SMIM8: variants seen among roughly 807,000 people sequenced by gnomAD.
The protein encoded by SMIM8 is small integral membrane protein 8, also known as UPF0708 protein C6orf162.
In SMIM8, 8 loss-of-function variants were observed where a neutral mutation model predicts 8.1. The ratio of observed to expected loss-of-function variants is 0.99; its 90% CI spans 0.58 to 1.78. The LOEUF (loss-of-function observed/expected upper bound fraction) is 1.78. Among genes scored for constraint, SMIM8 ranks in the 40% most tolerant of loss-of-function variants. The probability of loss-of-function intolerance (pLI) is 0.00; values close to 1 mark genes in which losing one functional copy is unlikely to be tolerated. For synonymous variants in SMIM8, 45 were observed against 39.7 expected (o/e 1.13, Z -0.50); for missense variants, 126 against 119.8 (o/e 1.05, Z -0.24).
chr6:87,323,743 T>A (rs1469131430), intron 1 of SMIM8, among the ~76,000 whole-genome samples: 1 of 152,108 alleles, frequency 6.6e-6, no homozygotes, highest in Non-Finnish European at 1.5e-5. Context: ...ATACGTGTGC[T>A]TGTGTCTTTA....
chr6:87,336,964 A>C (rs768901627), intron 2 of SMIM8, 45 bp from the exon 3 acceptor site: 159 of 1,440,830 alleles, frequency 1.1e-4, no homozygotes, highest in Non-Finnish European at 1.3e-4. Context: ...AATTTATCAG[A>C]GAAGCACAAT....
At chr6:87,325,520 TA>T (rs1776796645) in intron 1 of SMIM8, among the ~76,000 whole-genome samples, 1 of 149,448 alleles carries the variant, frequency 6.7e-6, no homozygotes, top group South Asian at 2.1e-4. Flanking sequence ...TCTATTGAGA[TA>T]ATCATGTGGT....
intron 1 of SMIM8, among the ~76,000 whole-genome samples, chr6:87,323,796 G>T (rs2127914123): frequency 6.6e-6 from 1 of 152,008 alleles, no homozygotes; most frequent in South Asian, 2.1e-4. Context: ...ACCCAGTAAT[G>T]GGATGGCTGG....
chr6:87,325,703 T>C (rs530541483), intron 1 of SMIM8, among the ~76,000 whole-genome samples: 3 of 152,156 alleles, frequency 2.0e-5, no homozygotes, highest in Non-Finnish European at 4.4e-5. Context: ...TCAATGTTCA[T>C]CAAGGATATT....
intron 1 of SMIM8, among the ~76,000 whole-genome samples, chr6:87,328,978 GA>G (rs1313718096): frequency 6.6e-6 from 1 of 152,236 alleles, no homozygotes; most frequent in African/African-American, 2.4e-5. Flanking sequence ...AAGCCCGTCG[GA>G]AAAGCGCAGG....
At chr6:87,334,328 G>A (rs564583770) in intron 2 of SMIM8, among the ~76,000 whole-genome samples, 23 of 152,354 alleles carry the variant, frequency 1.5e-4, no homozygotes, top group Non-Finnish European at 2.1e-4. Flanking sequence ...TGTTTCACAA[G>A]TTGCCTGTAG....
At chr6:87,339,410 C>A (rs1777174518) in intron 3 of SMIM8, among the ~76,000 whole-genome samples, 1 of 129,052 alleles carries the variant, frequency 7.7e-6, no homozygotes, top group African/African-American at 3.1e-5. Flanking sequence ...CAACAAAACA[C>A]AGCGTGTGTG....
At position 87,341,418 on chromosome 6, in the gene SMIM8, C is replaced by T. The variant is rs1173201463; in HGVS notation, c.*1144C>T. On this transcript the variant is annotated 3_prime_UTR_variant, in exon 4 of 4. Transcript: ENST00000392863. ...CTAGGACAGAGGTCAAGGCTAGGCC[C>T]CTGTGTCTGGCCAGATTCTGCCTTA... 2.5e-6 allele frequency: 1 copy of T among 396,684 alleles called. No homozygotes were observed. The highest frequency in any genetic ancestry group is 2.1e-5 in the African/African-American group (1 of 48,566). 24.6% of individuals were successfully genotyped at this position (396,684 alleles called of 1,614,324 possible). A position where few individuals can be genotyped will look rare whatever the true frequency, so the allele number is the denominator to read the frequency against.
intron 1 of SMIM8, 79 bp from the exon 2 acceptor site, chr6:87,330,613 A>T (rs1776971159): frequency 6.6e-6 from 1 of 152,148 alleles, no homozygotes; most frequent in Non-Finnish European, 1.5e-5. Flanking sequence ...TGAGATGTAA[A>T]TGACTCTCAT....
intron 1 of SMIM8, among the ~76,000 whole-genome samples, chr6:87,324,620 T>C (rs1053864226): frequency 6.8e-6 from 1 of 147,630 alleles, no homozygotes; most frequent in Non-Finnish European, 1.5e-5. Context: ...TTCTATTCCA[T>C]TGATCTATAT....
At chr6:87,329,215 G>C (rs1776930734) in intron 1 of SMIM8, 1 of 154,576 alleles carries the variant, frequency 6.5e-6, no homozygotes, top group African/African-American at 2.4e-5. Context: ...CCCATCTTCT[G>C]CGTTGCTCAC....
rs943520036 is a variant in SMIM8 at position 87,341,224 on chromosome 6, A to G, written c.*950A>G. 7.5e-6 allele frequency: 3 copies of G among 397,818 alleles called. No homozygotes were observed. Among genetic ancestry groups the G allele is most frequent in the Admixed American group, 4.4e-5 (1 of 22,660 alleles). The allele number at this position is 397,818 out of a possible 1,614,324, so 24.6% of individuals were successfully genotyped here. A position where few individuals can be genotyped will look rare whatever the true frequency, so the allele number is the denominator to read the frequency against. Reference sequence around the variant, plus strand: ...AGGCCTTTTTGTTTTTTTCCTTTTCAGAATGTTTCTTATTCTCTGAAGCAT... The same window carrying G: ...AGGCCTTTTTGTTTTTTTCCTTTTCGGAATGTTTCTTATTCTCTGAAGCAT... On this transcript the variant is annotated 3_prime_UTR_variant, in exon 4 of 4. Transcript: ENST00000392863.
Position 87,340,132 on chromosome 6 carries a change from C to A in SMIM8, c.152C>A (p.Ala51Asp). The A allele has an allele frequency of 6.3e-7, 1 of 1,581,186 alleles. No homozygotes were observed. The highest frequency in any genetic ancestry group is 8.6e-7 in the Non-Finnish European group (1 of 1,167,924). ...CTTTGACAGAACAAACCTGTAATGGCTTTCGGATTGGTAACTCTTTCACTT... is the reference window on the plus strand; with the variant it reads ...CTTTGACAGAACAAACCTGTAATGGATTTCGGATTGGTAACTCTTTCACTT... ...LFIKPNKPVM[A>D]FGLVTLSLCV... The change falls in exon 4 of 4, where the codon GCT (alanine) becomes GAT (aspartate). Residue 51 changes from alanine (A) to aspartate (D), a missense_variant. Transcript: ENST00000392863.
intron 1 of SMIM8, among the ~76,000 whole-genome samples, chr6:87,324,860 C>A (rs1293779363): frequency 6.6e-6 from 1 of 152,178 alleles, no homozygotes; most frequent in Non-Finnish European, 1.5e-5. Context: ...TTACCTTGGG[C>A]AGTATGGCCA....
At chr6:87,330,780 G>A (rs996122442) in intron 2 of SMIM8, 68 bp downstream of exon 2, 8 of 151,750 alleles carry the variant, frequency 5.3e-5, no homozygotes, top group African/African-American at 1.9e-4. Flanking sequence ...TTTTTTACAG[G>A]CACCTGTGAA....
rs1777193263 is a variant in SMIM8, at chr6:87,340,183, A to G, written c.203A>G (p.His68Arg). The change falls in exon 4 of 4, where the codon CAT (histidine) becomes CGT (arginine). Residue 68 changes from histidine to arginine, a missense_variant. By Grantham distance (29) the His-to-Arg change is conservative. Transcript: ENST00000392863. ...SLCVAYIGYL[H>R]AIQENKKDLY... ...TGCGTGGCATATATTGGTTATCTAC[A>G]TGCAATACAAGAGAATAAAAAGGAC... 2.5e-6 allele frequency: 4 copies of G among 1,611,200 alleles called. No individual in the cohort carries two copies. Among genetic ancestry groups the G allele is most frequent in the Non-Finnish European group, 3.4e-6 (4 of 1,178,998 alleles).
At chr6:87,335,773 G>A (rs1011788229) in intron 2 of SMIM8, among the ~76,000 whole-genome samples, 1 of 149,542 alleles carries the variant, frequency 6.7e-6, no homozygotes, top group Non-Finnish European at 1.5e-5. Context: ...ACTTTGGGAG[G>A]CAGAAGCAGG....
rs181011375 is a variant in SMIM8 at position 87,322,647 on chromosome 6, C to A, written c.-45+15C>A. 2 of 152,382 alleles carry A rather than the reference C, an allele frequency of 1.3e-5. No homozygotes were observed. Among genetic ancestry groups the A allele is most frequent in the Admixed American group, 6.5e-5 (1 of 15,294 alleles). The allele number at this position is 152,382 out of a possible 1,614,324, so 9.4% of individuals were successfully genotyped here. ...CCCCGCGAAAGGTAAGCGGCGGCTT[C>A]GGTGGTGTTGAGTGGCTGGGCGCCG... On this transcript the variant is annotated intron_variant, in intron 1 of 3. Transcript: ENST00000392863.
chr6:87,339,435 TTTGTGTG>T (rs1582098331), intron 3 of SMIM8, among the ~76,000 whole-genome samples: 36 of 88,966 alleles, frequency 4.0e-4, no homozygotes, highest in African/African-American at 1.4e-3. Flanking sequence ...TGTGTGTGTG[TTTGTGTG>T]TGTGTGTGTG....
Sources: gnomAD v4.1 joint callset for allele counts (sites outside exome capture counted in the v4.1 genomes callset) on GRCh38, gnomAD v4.1.1 for gene constraint, MANE v1.5 for transcripts, NCBI Gene and HGNC (gene_info 2026-07-23, HGNC 2026-07-21) for gene names.